SUFU: variants seen among roughly 807,000 people sequenced by gnomAD.
SUFU encodes suppressor of fused homolog.
A neutral mutation model predicts 58.9 loss-of-function variants in SUFU; 7 were observed. That is an observed-to-expected ratio of 0.12 (90% confidence interval 0.07 to 0.22). The LOEUF (loss-of-function observed/expected upper bound fraction) is 0.22. Among genes scored for constraint, SUFU ranks in the 10% least tolerant of loss-of-function variants. SUFU has a pLI of 1.00. For synonymous variants in SUFU, 232 were observed against 254.8 expected, an observed-to-expected ratio of 0.91 and a Z score of 0.85; for missense variants, 451 against 641.3, an observed-to-expected ratio of 0.70 and a Z score of 3.20.
At chr10:102,519,879 C>A (rs1167477975) in intron 2 of SUFU, among the ~76,000 whole-genome samples, 2 of 152,084 alleles carry the variant, frequency 1.3e-5, no homozygotes, top group Non-Finnish European at 2.9e-5. Context: ...TCAAGCAATT[C>A]TCCTGCCTCA....
intron 8 of SUFU, 33 bp downstream of exon 8, chr10:102,599,577 G>A: frequency 6.3e-7 from 1 of 1,585,266 alleles, no homozygotes; most frequent in Non-Finnish European, 8.7e-7. Context: ...GCTGGAACAA[G>A]AGGACGACTT....
chr10:102,525,163 T>C (rs927081418), intron 2 of SUFU, among the ~76,000 whole-genome samples: 2 of 152,154 alleles, frequency 1.3e-5, no homozygotes, highest in African/African-American at 2.4e-5. Flanking sequence ...CAGGCTGGAG[T>C]GCGGTAGTGT....
chr10:102,505,246 G>A (rs2062310292), intron 1 of SUFU, among the ~76,000 whole-genome samples: 3 of 152,200 alleles, frequency 2.0e-5, no homozygotes, highest in Admixed American at 1.3e-4. Context: ...CTTTAGGGTA[G>A]GAATGGTCTT....
chr10:102,531,279 T>C (rs573237324), intron 2 of SUFU, among the ~76,000 whole-genome samples: 1 of 152,112 alleles, frequency 6.6e-6, no homozygotes, highest in South Asian at 2.1e-4. Context: ...ATAAAAATAG[T>C]AATTTCTTAA....
chr10:102,610,318 G>A (rs2063608825), intron 8 of SUFU, among the ~76,000 whole-genome samples: 1 of 149,456 alleles, frequency 6.7e-6, no homozygotes. Context: ...GCTTGAACCT[G>A]GGAGGCGGAG....
At chr10:102,506,043 A>AGG (rs2062321845) in intron 1 of SUFU, among the ~76,000 whole-genome samples, 1 of 142,816 alleles carries the variant, frequency 7.0e-6, no homozygotes, top group Non-Finnish European at 1.5e-5. Context: ...TTATTTGAAA[A>AGG]AAAAAAAAAA....
chr10:102,615,577 G>T (rs561117424), intron 9 of SUFU, among the ~76,000 whole-genome samples, 175 bp downstream of exon 9: 1 of 152,298 alleles, frequency 6.6e-6, no homozygotes, highest in African/African-American at 2.4e-5. Flanking sequence ...TGAGGTGCCT[G>T]TTGGCAGCCT....
intron 7 of SUFU, 59 bp from the exon 8 acceptor site, chr10:102,599,374 G>A (rs1344978682): frequency 1.2e-5 from 16 of 1,309,198 alleles, no homozygotes; most frequent in African/African-American, 7.3e-5. Flanking sequence ...TTTCAAGAGC[G>A]GGGTGAGAAT....
At chr10:102,563,257 A>G (rs2063056904) in intron 3 of SUFU, among the ~76,000 whole-genome samples, 1 of 152,210 alleles carries the variant, frequency 6.6e-6, no homozygotes, top group South Asian at 2.1e-4. Context: ...GTGTGGAACA[A>G]ACTTTCCACT....
At chr10:102,514,579 C>T (rs2062443013) in intron 2 of SUFU, among the ~76,000 whole-genome samples, 1 of 152,202 alleles carries the variant, frequency 6.6e-6, no homozygotes, top group African/African-American at 2.4e-5. Flanking sequence ...AAGGCTGCTC[C>T]CAACTGACCT....
At chr10:102,572,543 C>T (rs909949405) in intron 3 of SUFU, among the ~76,000 whole-genome samples, 1 of 152,060 alleles carries the variant, frequency 6.6e-6, no homozygotes, top group East Asian at 1.9e-4. Context: ...GCACCTGCCA[C>T]CACACCCGGC....
chr10:102,569,850 A>C (rs1197990581), intron 3 of SUFU, among the ~76,000 whole-genome samples: 1 of 152,206 alleles, frequency 6.6e-6, no homozygotes, highest in Admixed American at 6.5e-5. Flanking sequence ...AACCTTTCAA[A>C]ACTGTCCATC....
At chr10:102,581,525 C>T (rs548137127) in intron 3 of SUFU, among the ~76,000 whole-genome samples, 3 of 152,184 alleles carry the variant, frequency 2.0e-5, no homozygotes, top group Non-Finnish European at 4.4e-5. Flanking sequence ...AGCTGTCTTC[C>T]AATCTCAGAG....
rs2063703068 is a variant in SUFU, at chr10:102,617,863, G to C, written c.1296+435G>C. On this transcript the variant is annotated intron_variant, in intron 10 of 11. Transcript: ENST00000369902. This position sits in a 1 kb window ranked among gnomAD's most constrained non-coding sequence, Gnocchi z 4.4. ...ATTCAGACAGTGGCATGTGTGCCTG[G>C]ACCAGGGCTGGGCAGGCCTCAGTGG... 2 of 386,142 alleles carry C rather than the reference G, an allele frequency of 5.2e-6. No homozygotes were observed. The highest frequency in any genetic ancestry group is 9.3e-6 in the Non-Finnish European group (2 of 216,122). 23.9% of individuals were successfully genotyped at this position (386,142 alleles called of 1,614,324 possible).
intron 10 of SUFU, among the ~76,000 whole-genome samples, chr10:102,620,475 C>T (rs1003229449): frequency 6.6e-6 from 1 of 152,240 alleles, no homozygotes. Context: ...GGCTTGTCTG[C>T]AGCACCAGGT....
chr10:102,519,603 T>C (rs2062522795), intron 2 of SUFU, among the ~76,000 whole-genome samples: 1 of 152,040 alleles, frequency 6.6e-6, no homozygotes, highest in African/African-American at 2.4e-5. Context: ...TCTGCAACTT[T>C]TAAAAACATA....
chr10:102,561,975 C>A (rs1052517707), intron 3 of SUFU, among the ~76,000 whole-genome samples: 11 of 152,060 alleles, frequency 7.2e-5, no homozygotes. Context: ...GGCTAGCAAA[C>A]CTTATACAGT....
intron 3 of SUFU, among the ~76,000 whole-genome samples, chr10:102,579,279 T>C (rs535075740): frequency 3.3e-5 from 5 of 152,322 alleles, no homozygotes; most frequent in African/African-American, 1.2e-4. Flanking sequence ...GCCCTGCCCA[T>C]GTGGGCACAG....
Position 102,504,259 on chromosome 10 carries a change from C to G in SUFU, c.107C>G (p.Ala36Gly). 1.9e-6 allele frequency: 3 copies of G among 1,613,994 alleles called. No homozygotes were observed. The highest frequency in any genetic ancestry group is 2.5e-6 in the Non-Finnish European group (3 of 1,180,002). The part of the protein sequence containing the change: ...FASLFPPGLH[A>G]IYGECRRLYP... Reference sequence around the variant, plus strand: ...TCGCTCTTTCCCCCGGGACTGCACGCCATCTACGGAGAGTGCCGCCGCCTT... The same window carrying G: ...TCGCTCTTTCCCCCGGGACTGCACGGCATCTACGGAGAGTGCCGCCGCCTT... The change falls in exon 1 of 12, where the codon GCC becomes GGC. Residue 36 changes from alanine to glycine, a missense_variant. Ala to Gly is a moderately conservative substitution (Grantham distance 60). Coordinates refer to ENST00000369902, the MANE Select transcript of SUFU (RefSeq NM_016169.4).
Sources: allele counts gnomAD v4.1 joint callset (sites outside exome capture counted in the v4.1 genomes callset), GRCh38; gene constraint gnomAD v4.1.1; non-coding constraint Gnocchi (gnomAD v3.1); transcripts MANE v1.5; gene names NCBI Gene and HGNC (gene_info 2026-07-23, HGNC 2026-07-21).